SBNO2: variants seen among roughly 807,000 people sequenced by gnomAD.
SBNO2 encodes the protein protein strawberry notch homolog 2.
Under a neutral mutation model 146.3 loss-of-function variants are expected in SBNO2, and 89 were observed. The observed-to-expected ratio is 0.61, with a 90% CI of 0.51 to 0.73. The LOEUF (loss-of-function observed/expected upper bound fraction) is 0.73, where lower values mean the gene tolerates loss of function less well. Among genes scored for constraint, SBNO2 ranks in the 30% least tolerant of loss-of-function variants. The pLI is 0.00. For synonymous variants in SBNO2, 1,147 were observed against 892.6 expected (o/e 1.29, Z -5.08); for missense variants, 2,092 against 2,003.7 (o/e 1.04, Z -0.84).
In SBNO2 at chr19:1,164,425, G is replaced by A. The variant is rs1397902431; in HGVS notation, c.-127+9747C>T. ...AGGAGGAGGAGGAGGAGGAACAGGA[G>A]GAGGAGGAGGAGGAGGAGGAGGAGA... On this transcript the variant is annotated intron_variant, in intron 1 of 31. Transcript: ENST00000361757. 7.2e-4 allele frequency among the ~76,000 whole-genome samples: 103 copies of A among 142,752 alleles called. 5 individuals carry two copies. The East Asian group carries it at 0.01, about 14-fold the overall frequency. 93.7% of individuals were successfully genotyped at this position (142,752 alleles called of 152,430 possible). A position where few individuals can be genotyped will look rare whatever the true frequency, so the allele number is the denominator to read the frequency against.
In SBNO2 at chr19:1,108,108, G is replaced by C. The variant is rs547940481; in HGVS notation, c.*112C>G. The C allele has an allele frequency of 3.3e-6, 4 of 1,207,512 alleles. No individual in the cohort carries two copies. Among genetic ancestry groups the C allele is most frequent in the Non-Finnish European group, 4.3e-6 (4 of 928,220 alleles). The allele number at this position is 1,207,512 out of a possible 1,614,324, so 74.8% of individuals were successfully genotyped here. On this transcript the variant is annotated 3_prime_UTR_variant, in exon 32 of 32. Coordinates refer to ENST00000361757, the MANE Select transcript of SBNO2 (RefSeq NM_014963.3). Reference sequence around the variant, plus strand: ...CGGGCGCTGAAGGCACTGCGGCCAGGGCCTAGGGCTCCTCTGAGCAGTGGT... The same window carrying C: ...CGGGCGCTGAAGGCACTGCGGCCAGCGCCTAGGGCTCCTCTGAGCAGTGGT...
chr19:1,109,305 C>G lies in SBNO2; in HGVS notation c.3335G>C (p.Arg1112Pro), dbSNP rs370823591. ...GCGGCCGCCTACCCGGTGGAACTTG[C>G]GGCGGAGGCTGTCCAGGGCCTCCAG... ...SQLEALDSLR[R>P]KFHRVTAEEA... is the part of the protein sequence containing the mutation. Residue 1112 changes from arginine (R) to proline (P), a missense_variant, in exon 29 of 32, where the codon CGC becomes CCC. Arg to Pro is a moderately radical substitution (Grantham distance 103, BLOSUM62 -2). Coordinates refer to ENST00000361757, the MANE Select transcript of SBNO2 (RefSeq NM_014963.3). This position sits in a 1 kb window ranked among gnomAD's most constrained non-coding sequence, Gnocchi z 4.2. 2 of 1,595,896 alleles carry G rather than the reference C, an allele frequency of 1.3e-6. No individual in the cohort carries two copies. Among genetic ancestry groups the G allele is most frequent in the African/African-American group, 1.3e-5 (1 of 74,750 alleles).
intron 1 of SBNO2, among the ~76,000 whole-genome samples, chr19:1,172,696 G>T (rs1042483753): frequency 1.3e-5 from 2 of 150,412 alleles, no homozygotes; most frequent in African/African-American, 4.9e-5. Flanking sequence ...CGGGGTCTGC[G>T]GCCCTGGGTC....
At chr19:1,117,590 C>T in intron 14 of SBNO2, 91 bp from the exon 15 acceptor site, 3 of 1,338,982 alleles carry the variant, frequency 2.2e-6, no homozygotes, top group African/African-American at 2.9e-5. Context: ...CTGGGCAAGG[C>T]ATCCCCACGC....
In SBNO2 at chr19:1,158,721, T is replaced by C. The variant is rs2080315596; in HGVS notation, c.-126-4319A>G. Among the ~76,000 whole-genome samples the C allele has an allele frequency of 6.6e-6, 1 of 152,112 alleles. No individual in the cohort carries two copies. The highest frequency in any genetic ancestry group is 2.1e-4 in the South Asian group (1 of 4,830). On this transcript the variant is annotated intron_variant, in intron 1 of 31. Coordinates refer to ENST00000361757, the MANE Select transcript of SBNO2 (RefSeq NM_014963.3). This position sits in a 1 kb window ranked among gnomAD's most constrained non-coding sequence, Gnocchi z 9.9. ...GGCCGCATTACCTCAGCCGAGGTTC[T>C]CCGGGCAGGCACAAGGCGCTCCCTG...
chr19:1,132,440 C>T (rs764224623), intron 4 of SBNO2, among the ~76,000 whole-genome samples: 8 of 152,338 alleles, frequency 5.3e-5, no homozygotes, highest in Middle Eastern at 3.4e-3. Flanking sequence ...ACCCGTGCCC[C>T]GCCGCAGGAC....
chr19:1,112,676 C>T lies in SBNO2; in HGVS notation c.2380-139G>A. The T allele has an allele frequency of 7.0e-7, 1 of 1,432,048 alleles. No individual in the cohort carries two copies. The highest frequency in any genetic ancestry group is 2.5e-4 in the Middle Eastern group (1 of 3,978). 88.7% of individuals were successfully genotyped at this position (1,432,048 alleles called of 1,614,324 possible). ...CGAGAGGCCTGCGGGGCGCGGACAC[C>T]ACCCGCCACACGGCCACTCGCGCCC... On this transcript the variant is annotated intron_variant, in intron 20 of 31. Coordinates refer to ENST00000361757, the MANE Select transcript of SBNO2 (RefSeq NM_014963.3). This position sits in a 1 kb window ranked among gnomAD's most constrained non-coding sequence, Gnocchi z 5.9.
chr19:1,112,325 G>T lies in SBNO2; in HGVS notation c.2516-24C>A. 1 of 1,571,310 alleles carries T rather than the reference G, an allele frequency of 6.4e-7. No individual in the cohort carries two copies. The highest frequency in any genetic ancestry group is 1.2e-5 in the South Asian group (1 of 86,548). On this transcript the variant is annotated intron_variant, in intron 21 of 31. Coordinates refer to ENST00000361757, the MANE Select transcript of SBNO2 (RefSeq NM_014963.3). The surrounding 1 kb of genome is among the most constrained non-coding windows in gnomAD (Gnocchi z 5.9). The stretch of plus-strand genomic sequence containing the variant: ...GCCTGGGGGCAGAGCTGCTCTCAGG[G>T]CCCGGCCAGGCGGGGGCGGGGCCGA...
chr19:1,140,004 A>G lies in SBNO2; in HGVS notation c.279+7305T>C, dbSNP rs2080120237. On this transcript the variant is annotated intron_variant, in intron 4 of 31. Coordinates refer to ENST00000361757, the MANE Select transcript of SBNO2 (RefSeq NM_014963.3). The surrounding 1 kb of genome is among the most constrained non-coding windows in gnomAD (Gnocchi z 4.4). ...GAGACAGAAAAGAAAGAAAGAAAAT[A>G]AAGAAGAAATGCAGGCCGGGCGCGG... 6.6e-6 allele frequency among the ~76,000 whole-genome samples: 1 copy of G among 151,674 alleles called. No individual in the cohort carries two copies. The highest frequency in any genetic ancestry group is 2.4e-5 in the African/African-American group (1 of 41,254).
At chr19:1,163,788 TGAG>T (rs1465727708) in intron 1 of SBNO2, among the ~76,000 whole-genome samples, 2 of 152,088 alleles carry the variant, frequency 1.3e-5, no homozygotes, top group Non-Finnish European at 2.9e-5. Flanking sequence ...CAATTTAGGA[TGAG>T]GACGAGGTGG....
chr19:1,122,582 C>T (rs753472622), intron 9 of SBNO2, 24 bp from the exon 10 acceptor site: 41 of 1,521,470 alleles, frequency 2.7e-5, no homozygotes, highest in African/African-American at 2.5e-4. Context: ...GCGTCAGGCG[C>T]GCCCACCCTT....
chr19:1,128,351 C>A (rs944695291), intron 4 of SBNO2: 3 of 356,044 alleles, frequency 8.4e-6, no homozygotes, highest in African/African-American at 2.2e-5. Context: ...GGGGATGACA[C>A]ACACACACGC....
intron 2 of SBNO2, among the ~76,000 whole-genome samples, chr19:1,153,598 C>T (rs1187823576): frequency 1.4e-5 from 2 of 146,006 alleles, no homozygotes; most frequent in African/African-American, 2.6e-5. Context: ...AGTTCAGTGG[C>T]GCCGTCTCCA....
Position 1,112,966 on chromosome 19 carries a change from G to A in SBNO2, c.2248-17C>T, listed in dbSNP as rs1397210168. Reference sequence around the variant, plus strand: ...GCCGGTCATCTGCAGCCGAGACAGGGACAAAACCGGCCGTCAGTGTTGTGG... The same window carrying A: ...GCCGGTCATCTGCAGCCGAGACAGGAACAAAACCGGCCGTCAGTGTTGTGG... On this transcript the variant is annotated splice_polypyrimidine_tract_variant and intron_variant, in intron 19 of 31. Coordinates refer to ENST00000361757, the MANE Select transcript of SBNO2 (RefSeq NM_014963.3). The surrounding 1 kb of genome is among the most constrained non-coding windows in gnomAD (Gnocchi z 5.9). 1.7e-5 allele frequency: 26 copies of A among 1,549,292 alleles called. No homozygotes were observed. In the East Asian group the frequency reaches 4.8e-4, roughly 29 times the overall value.
In SBNO2 at chr19:1,119,000, C is replaced by T. The variant is rs754785780; in HGVS notation, c.1527+11G>A. On this transcript the variant is annotated intron_variant, in intron 14 of 31. Transcript: ENST00000361757. Reference sequence around the variant, plus strand: ...CGCACAGGGGTCCCCGGGTCGGGTGCGCAGGCTCACCAGCAGGGCCGCGCG... The same window carrying T: ...CGCACAGGGGTCCCCGGGTCGGGTGTGCAGGCTCACCAGCAGGGCCGCGCG... 28 of 1,574,934 alleles carry T rather than the reference C, an allele frequency of 1.8e-5. No individual in the cohort carries two copies. The highest frequency in any genetic ancestry group is 9.2e-5 in the East Asian group (4 of 43,684).
At chr19:1,162,395 G>A (rs1376793424) in intron 1 of SBNO2, among the ~76,000 whole-genome samples, 1 of 150,104 alleles carries the variant, frequency 6.7e-6, no homozygotes, top group Admixed American at 6.6e-5. Context: ...GGGAGGCGGC[G>A]CTTGCAGTGA....
At position 1,113,719 on chromosome 19, in the gene SBNO2, G is replaced by T; in HGVS notation, c.2078-15C>A. The stretch of plus-strand genomic sequence containing the variant: ...GCACAGGGGTCCTAGGGAGGAGGTG[G>T]AGGGTCAGGGCAGGACATGTTGGCT... On this transcript the variant is annotated splice_polypyrimidine_tract_variant and intron_variant, in intron 18 of 31. Coordinates refer to ENST00000361757, the MANE Select transcript of SBNO2 (RefSeq NM_014963.3). 1 of 1,517,310 alleles carries T rather than the reference G, an allele frequency of 6.6e-7. No individual in the cohort carries two copies. Among genetic ancestry groups the T allele is most frequent in the East Asian group, 2.6e-5 (1 of 38,568 alleles). 94.0% of individuals were successfully genotyped at this position (1,517,310 alleles called of 1,614,324 possible).
In SBNO2 at chr19:1,124,039, A is replaced by G; in HGVS notation, c.442-17T>C. The G allele has an allele frequency of 1.2e-6, 2 of 1,607,660 alleles. No individual in the cohort carries two copies. Among genetic ancestry groups the G allele is most frequent in the Non-Finnish European group, 8.5e-7 (1 of 1,177,666 alleles). On this transcript the variant is annotated splice_polypyrimidine_tract_variant and intron_variant, in intron 5 of 31. Coordinates refer to ENST00000361757, the MANE Select transcript of SBNO2 (RefSeq NM_014963.3). Reference sequence around the variant, plus strand: ...CTGGAACAGCTGGAAGGGGAGCAGGATGTCAGCCCGGGCCAGACGGGACAG... The same window carrying G: ...CTGGAACAGCTGGAAGGGGAGCAGGGTGTCAGCCCGGGCCAGACGGGACAG...
At chr19:1,119,659 A>G in intron 12 of SBNO2, 38 bp from the exon 13 acceptor site, 1 of 1,536,220 alleles carries the variant, frequency 6.5e-7, no homozygotes, top group Middle Eastern at 1.7e-4. Context: ...CCAACCCGGG[A>G]GGGCCCAGAG....
Sources: gnomAD v4.1 joint callset for allele counts (sites outside exome capture counted in the v4.1 genomes callset) on GRCh38, gnomAD v4.1.1 for gene constraint, Gnocchi (gnomAD v3.1) non-coding constraint, MANE v1.5 for transcripts, NCBI Gene and HGNC (gene_info 2026-07-23, HGNC 2026-07-21) for gene names.